The following CPNE4 variants were observed in gnomAD, a reference collection of about 807,000 sequenced individuals.
CPNE4 encodes copine 4, also known as copine-4.
Under a neutral mutation model 67.9 loss-of-function variants are expected in CPNE4, and 25 were observed. That is an observed-to-expected ratio of 0.37 (90% CI 0.27 to 0.51). CPNE4 has a LOEUF of 0.51. Among genes scored for constraint, CPNE4 ranks in the 20% least tolerant of loss-of-function variants. CPNE4 has a pLI of 0.93. For synonymous variants in CPNE4, 242 were observed against 244.9 expected (o/e 0.99, Z 0.11); for missense variants, 464 against 690.8 (o/e 0.67, Z 3.68).
At chr3:131,928,987 T>C (rs2070974635) in intron 1 of CPNE4, among the ~76,000 whole-genome samples, 1 of 152,120 alleles carries the variant, frequency 6.6e-6, no homozygotes, top group Non-Finnish European at 1.5e-5. Flanking sequence ...CAGATCTAGA[T>C]AGTCTTTTAA....
In CPNE4 at chr3:131,790,426, A is replaced by C. The variant is rs143811875; in HGVS notation, c.181-66801T>G. On this transcript the variant is annotated intron_variant, in intron 2 of 15. Transcript: ENST00000429747. ...ACCTGTCTGGATACCCCCTACCCCAAAATTGCTCATTTTGTTTGCCAGTCA... is the reference window on the plus strand; with the variant it reads ...ACCTGTCTGGATACCCCCTACCCCACAATTGCTCATTTTGTTTGCCAGTCA... Among the ~76,000 whole-genome samples, 499 of 152,180 alleles carry C rather than the reference A, an allele frequency of 3.3e-3. 4 individuals carry two copies. The highest frequency in any genetic ancestry group is 0.011 in the African/African-American group (467 of 41,526).
chr3:131,564,272 G>A lies in CPNE4; in HGVS notation c.1005C>T (p.Pro335=). The A allele has an allele frequency of 6.2e-7, 1 of 1,613,040 alleles. No homozygotes were observed. Among genetic ancestry groups the A allele is most frequent in the Non-Finnish European group, 8.5e-7 (1 of 1,179,338 alleles). ...CTACCAAAGCTTTCAGATACTCATT[G>A]GGTTGGTAAGGGTGGATGTAGTGCA... is the stretch of plus-strand genomic sequence containing the variant. The part of the protein sequence containing the change: ...CSLHYIHPYQ[P]NEYLKALVAV... Residue 335 remains proline (P), a synonymous_variant, in exon 11 of 16, where the codon CCC becomes CCT. Coordinates refer to ENST00000429747, the MANE Select transcript of CPNE4 (RefSeq NM_130808.3).
intron 2 of CPNE4, among the ~76,000 whole-genome samples, chr3:131,728,332 T>G (rs553919578): frequency 6.6e-6 from 1 of 152,310 alleles, no homozygotes; most frequent in South Asian, 2.1e-4. Flanking sequence ...GCCATAACTT[T>G]TCCGATTTTA....
At chr3:131,657,423 T>C (rs2079999540) in intron 7 of CPNE4, among the ~76,000 whole-genome samples, 1 of 152,208 alleles carries the variant, frequency 6.6e-6, no homozygotes, top group Non-Finnish European at 1.5e-5. Flanking sequence ...AGAGTCATAC[T>C]TTTAACTTTT....
chr3:131,987,971 T>A (rs1355101473), intron 1 of CPNE4, among the ~76,000 whole-genome samples: 2 of 152,146 alleles, frequency 1.3e-5, no homozygotes, highest in Admixed American at 1.3e-4. Context: ...TGGCTTCCTT[T>A]AGGAAGCCAC....
In CPNE4 at chr3:131,845,968, C is replaced by T. The variant is rs115020035; in HGVS notation, c.180+59296G>A. Among the ~76,000 whole-genome samples the T allele has an allele frequency of 6.5e-3, 990 of 152,200 alleles. 9 individuals are homozygous for T. The highest frequency in any genetic ancestry group is 0.022 in the African/African-American group (910 of 41,528). ...TAAACATTGCCAGTTTGCATCCTTG[C>T]TTTTATTCTCAATTCTGCAAAGTTA... On this transcript the variant is annotated intron_variant, in intron 2 of 15. Transcript: ENST00000429747.
Position 131,829,818 on chromosome 3 carries a change from C to T in CPNE4, c.180+75446G>A, listed in dbSNP as rs77296094. ...CATACACATCACTGTTCATATTATA[C>T]TTCATACACATCAGGACTGTTTACT... On this transcript the variant is annotated intron_variant, in intron 2 of 15. Coordinates refer to ENST00000429747, the MANE Select transcript of CPNE4 (RefSeq NM_130808.3). Among the ~76,000 whole-genome samples, 363 of 152,304 alleles carry T rather than the reference C, an allele frequency of 2.4e-3. 3 individuals carry two copies. The highest frequency in any genetic ancestry group is 8.4e-3 in the African/African-American group (350 of 41,566).
chr3:131,702,225 T>C (rs560521017), intron 3 of CPNE4, among the ~76,000 whole-genome samples: 68 of 152,280 alleles, frequency 4.5e-4, no homozygotes, highest in African/African-American at 1.6e-3. Flanking sequence ...ATGATAGCAA[T>C]GTAGCAATGG....
intron 1 of CPNE4, among the ~76,000 whole-genome samples, chr3:131,951,487 C>T (rs1382308227): frequency 6.6e-6 from 1 of 152,002 alleles, no homozygotes; most frequent in Non-Finnish European, 1.5e-5. Flanking sequence ...AGAGATACTC[C>T]CCCTCCCCTT....
At chr3:131,617,406 C>T (rs986101828) in intron 7 of CPNE4, among the ~76,000 whole-genome samples, 2 of 152,038 alleles carry the variant, frequency 1.3e-5, no homozygotes, top group African/African-American at 4.8e-5. Context: ...CTTATTTGAT[C>T]CCCCCAACAA....
At position 131,709,952 on chromosome 3, in the gene CPNE4, C is replaced by T. The variant is rs370122382; in HGVS notation, c.361-9972G>A. Among the ~76,000 whole-genome samples the T allele has an allele frequency of 1.5e-4, 23 of 152,288 alleles. No individual in the cohort carries two copies. In the South Asian group the frequency reaches 4.6e-3, roughly 30 times the overall value. ...TCCCGCCACCCTCTATTTCTTATCC[C>T]ATGTGTGCTTTCTTTCAATGAGATC... is the stretch of plus-strand genomic sequence containing the variant. On this transcript the variant is annotated intron_variant, in intron 3 of 15. Coordinates refer to ENST00000429747, the MANE Select transcript of CPNE4 (RefSeq NM_130808.3).
At chr3:131,687,188 A>T (rs2107682561) in intron 5 of CPNE4, among the ~76,000 whole-genome samples, 1 of 152,296 alleles carries the variant, frequency 6.6e-6, no homozygotes, top group African/African-American at 2.4e-5. Context: ...GTTTTTAGTG[A>T]GAGAGTGATG....
chr3:131,881,310 T>C (rs1055202158), intron 2 of CPNE4, among the ~76,000 whole-genome samples: 1 of 152,202 alleles, frequency 6.6e-6, no homozygotes, highest in Admixed American at 6.5e-5. Context: ...TTTATTAAGG[T>C]ACTCAATCAT....
chr3:131,922,574 A>G (rs946799648), intron 1 of CPNE4, among the ~76,000 whole-genome samples: 3 of 152,232 alleles, frequency 2.0e-5, no homozygotes, highest in Non-Finnish European at 4.4e-5. Flanking sequence ...AGCATGCTGC[A>G]TCTGGAGGGC....
intron 1 of CPNE4, among the ~76,000 whole-genome samples, chr3:131,998,931 G>A (rs903089081): frequency 2.0e-5 from 3 of 151,962 alleles, no homozygotes; most frequent in African/African-American, 7.3e-5. Flanking sequence ...TATAATGAGT[G>A]AAAACAAAAT....
In CPNE4 at chr3:131,699,918, A is replaced by G; in HGVS notation, c.423T>C (p.Ser141=). 6.2e-7 allele frequency: 1 copy of G among 1,613,148 alleles called. No individual in the cohort carries two copies. The highest frequency in any genetic ancestry group is 1.1e-5 in the South Asian group (1 of 90,876). Residue 141 remains serine, a synonymous_variant, in exon 4 of 16, where the codon TCT becomes TCC. Coordinates refer to ENST00000429747, the MANE Select transcript of CPNE4 (RefSeq NM_130808.3). ...GGGAGTGCCTGCTTACCGTGATGGAAGATTTCCCTGCTGTGTTCCCATGCT... is the reference window on the plus strand; with the variant it reads ...GGGAGTGCCTGCTTACCGTGATGGAGGATTTCCCTGCTGTGTTCCCATGCT... ...LLKHGNTAGK[S]SITVIAEELS...
intron 2 of CPNE4, among the ~76,000 whole-genome samples, chr3:131,883,284 C>A (rs956620600): frequency 1.3e-5 from 2 of 152,190 alleles, no homozygotes; most frequent in African/African-American, 2.4e-5. Context: ...TACCCATCAT[C>A]ATTCACCCAA....
chr3:131,581,676 G>T lies in CPNE4; in HGVS notation c.781-11C>A. 1 of 1,592,344 alleles carries T rather than the reference G, an allele frequency of 6.3e-7. No homozygotes were observed. The highest frequency in any genetic ancestry group is 8.6e-7 in the Non-Finnish European group (1 of 1,160,202). On this transcript the variant is annotated splice_polypyrimidine_tract_variant and intron_variant, in intron 8 of 15. Coordinates refer to ENST00000429747, the MANE Select transcript of CPNE4 (RefSeq NM_130808.3). The stretch of plus-strand genomic sequence containing the variant: ...GCACTCCCACTGCACCTGAAAGAAG[G>T]GTCATAGCATGAGAATCTGTTCAGG...
intron 7 of CPNE4, among the ~76,000 whole-genome samples, chr3:131,634,843 G>A (rs2079333959): frequency 6.6e-6 from 1 of 152,102 alleles, no homozygotes; most frequent in Admixed American, 6.5e-5. Flanking sequence ...GTGGAAAATG[G>A]GGGGATTCAG....
Sources: gnomAD v4.1 joint callset for allele counts (sites outside exome capture counted in the v4.1 genomes callset) on GRCh38, gnomAD v4.1.1 for gene constraint, MANE v1.5 for transcripts, NCBI Gene and HGNC (gene_info 2026-07-23, HGNC 2026-07-21) for gene names.